Variants in BTAF1 observed in about 807,000 individuals in gnomAD.
BTAF1 encodes the protein B-TFIID TATA-box binding protein associated factor 1.
Under a neutral mutation model 227.1 loss-of-function variants are expected in BTAF1, and 38 were observed. That is an observed-to-expected ratio of 0.17 (90% CI 0.13 to 0.22). The LOEUF is 0.22. Among genes scored for constraint, BTAF1 ranks in the 10% least tolerant of loss-of-function variants. BTAF1 has a pLI of 1.00. For synonymous variants in BTAF1, 742 were observed against 751.9 expected (o/e 0.99, Z 0.21); for missense variants, 1,598 against 2,204.0 (o/e 0.73, Z 5.51).
At chr10:91,993,101 C>T (rs1848909898) in intron 21 of BTAF1, among the ~76,000 whole-genome samples, 1 of 152,160 alleles carries the variant, frequency 6.6e-6, no homozygotes, top group South Asian at 2.1e-4. Flanking sequence ...AAGTCTTTTT[C>T]ATTGACAATA....
intron 11 of BTAF1, among the ~76,000 whole-genome samples, chr10:91,961,863 CTCTCAT>C (rs1846544792): frequency 6.6e-6 from 1 of 151,978 alleles, no homozygotes; most frequent in African/African-American, 2.4e-5. Flanking sequence ...TTTCACTCTT[CTCTCAT>C]TTTCCTTTTG....
At position 91,980,588 on chromosome 10, in the gene BTAF1, T is replaced by C. The variant is rs779094676; in HGVS notation, c.1755+30T>C. On this transcript the variant is annotated intron_variant, in intron 15 of 37. Coordinates refer to ENST00000265990, the MANE Select transcript of BTAF1 (RefSeq NM_003972.3). ...ACAGCAAATGTATTTGTGTTCCTTT[T>C]CCTAGTAACTTTTGTAGATTTTTAA... 17 of 1,543,360 alleles carry C rather than the reference T, an allele frequency of 1.1e-5. No individual in the cohort carries two copies. In the East Asian group the frequency reaches 3.1e-4, roughly 29 times the overall value.
chr10:91,926,686 C>T (rs1300367790), intron 1 of BTAF1, among the ~76,000 whole-genome samples: 2 of 152,188 alleles, frequency 1.3e-5, no homozygotes, highest in Non-Finnish European at 2.9e-5. Context: ...CATTGTATCA[C>T]CTGATAAGTC....
chr10:91,939,694 T>A (rs549845169), intron 2 of BTAF1, among the ~76,000 whole-genome samples: 2 of 152,336 alleles, frequency 1.3e-5, no homozygotes, highest in East Asian at 3.9e-4. Context: ...CACCTCGGTC[T>A]CCCAAAGTGC....
intron 24 of BTAF1, chr10:91,996,970 C>T (rs987504332): frequency 6.0e-6 from 3 of 497,880 alleles, no homozygotes; most frequent in Non-Finnish European, 1.0e-5. Context: ...TTGTTCATTA[C>T]TTGGGTTTAC....
intron 12 of BTAF1, 139 bp from the exon 13 acceptor site, chr10:91,963,938 T>C: frequency 1.2e-6 from 1 of 860,548 alleles, no homozygotes; most frequent in Non-Finnish European, 1.8e-6. Context: ...TCCTTAACTT[T>C]ACTCAAAATT....
intron 26 of BTAF1, among the ~76,000 whole-genome samples, chr10:92,008,540 G>T (rs543418828): frequency 6.7e-6 from 1 of 148,490 alleles, no homozygotes; most frequent in Non-Finnish European, 1.5e-5. Flanking sequence ...TAGAGGCAGC[G>T]TTCTCATTTT....
chr10:92,008,537 A>C (rs1476575106), intron 26 of BTAF1, among the ~76,000 whole-genome samples: 1 of 145,828 alleles, frequency 6.9e-6, no homozygotes, highest in Non-Finnish European at 1.5e-5. Context: ...TGGTAGAGGC[A>C]GCGTTCTCAT....
chr10:91,991,797 G>GTGTGTGTATATATATATA (rs1554860529), intron 20 of BTAF1, among the ~76,000 whole-genome samples: 10 of 9,996 alleles, frequency 1.0e-3, no homozygotes, highest in African/African-American at 1.8e-3. Context: ...GTGTGTGTGT[G>GTGTGTGTATATATATATA]TATATATATA....
rs1207750668 is a variant in BTAF1, at chr10:92,031,391, G to C, written c.*2458G>C. Among the ~76,000 whole-genome samples, 1 of 152,114 alleles carries C rather than the reference G, an allele frequency of 6.6e-6. No individual in the cohort carries two copies. Among genetic ancestry groups the C allele is most frequent in the African/African-American group, 2.4e-5 (1 of 41,402 alleles). ...GGTATAGCCTTATTCCTTCTGGATG[G>C]TTTATATGAACTTACTTATTCAAAA... is the stretch of plus-strand genomic sequence containing the variant. On this transcript the variant is annotated 3_prime_UTR_variant, in exon 38 of 38. Coordinates refer to ENST00000265990, the MANE Select transcript of BTAF1 (RefSeq NM_003972.3).
rs1173014648 is a variant in BTAF1, at chr10:92,024,840, T to G, written c.4948T>G (p.Phe1650Val). ...TGTGGCCCAGCACAGGATACTGATA[T>G]TCTGTCAGCTGAAAAGCATGCTTGA... ...SVVAQHRILI[F>V]CQLKSMLDIV... The change falls in exon 35 of 38, where the codon TTC becomes GTC. Residue 1650 changes from phenylalanine to valine, a missense_variant. Phe to Val is a conservative substitution (Grantham distance 50). Around this residue, in one of 10 missense-constraint regions of BTAF1, gnomAD observed 205 missense variants for 244.5 expected, o/e 0.84. Transcript: ENST00000265990. 1 of 1,613,866 alleles carries G rather than the reference T, an allele frequency of 6.2e-7. No homozygotes were observed. The highest frequency in any genetic ancestry group is 8.5e-7 in the Non-Finnish European group (1 of 1,179,970).
chr10:92,026,472 A>G, intron 35 of BTAF1, 120 bp from the exon 36 acceptor site: 3 of 761,262 alleles, frequency 3.9e-6, no homozygotes, highest in African/African-American at 1.7e-5. Flanking sequence ...ATGATCATGT[A>G]AGTATCCCTA....
chr10:92,005,209 A>C (rs905102040), intron 25 of BTAF1, among the ~76,000 whole-genome samples: 1 of 151,638 alleles, frequency 6.6e-6, no homozygotes, highest in Admixed American at 6.6e-5. Flanking sequence ...TGCTTTGGCT[A>C]TCTGGGGTTT....
At position 92,030,468 on chromosome 10, in the gene BTAF1, T is replaced by G. The variant is rs1445870411; in HGVS notation, c.*1535T>G. On this transcript the variant is annotated 3_prime_UTR_variant, in exon 38 of 38. Transcript: ENST00000265990. ...TTTCAGTATATTTGAGTTGAATATT[T>G]TTTTATTAACTATTTATTTGCTAGT... 1 of 152,172 alleles carries G rather than the reference T, an allele frequency of 6.6e-6. No homozygotes were observed. The highest frequency in any genetic ancestry group is 1.9e-4 in the East Asian group (1 of 5,196). The allele number at this position is 152,172 out of a possible 1,614,324, so 9.4% of individuals were successfully genotyped here.
chr10:91,937,613 T>C (rs569787283), intron 2 of BTAF1, among the ~76,000 whole-genome samples: 1 of 152,364 alleles, frequency 6.6e-6, no homozygotes, highest in East Asian at 1.9e-4. Flanking sequence ...TTGTAGCATG[T>C]ATATTCATTC....
intron 22 of BTAF1, 111 bp downstream of exon 22, chr10:91,993,958 C>A (rs887402090): frequency 2.5e-6 from 2 of 791,212 alleles, no homozygotes; most frequent in Non-Finnish European, 3.5e-6. Context: ...TTATTCCAGA[C>A]CAGCTGGTAA....
chr10:91,961,146 C>T (rs1846481320), intron 11 of BTAF1, among the ~76,000 whole-genome samples: 1 of 151,978 alleles, frequency 6.6e-6, no homozygotes, highest in East Asian at 1.9e-4. Flanking sequence ...AATGGGTCAG[C>T]AAAGAGTGAG....
intron 14 of BTAF1, among the ~76,000 whole-genome samples, 195 bp from the exon 15 acceptor site, chr10:91,980,259 C>T (rs904927893): frequency 3.3e-5 from 5 of 152,080 alleles, no homozygotes; most frequent in African/African-American, 1.2e-4. Flanking sequence ...GTTGTTATTT[C>T]TTCAGACCAT....
At chr10:92,017,306 A>C (rs1850806546) in intron 33 of BTAF1, among the ~76,000 whole-genome samples, 1 of 152,214 alleles carries the variant, frequency 6.6e-6, no homozygotes. Flanking sequence ...AAGTGATTCC[A>C]GGCAGAGGAT....
Sources: allele counts gnomAD v4.1 joint callset (sites outside exome capture counted in the v4.1 genomes callset), GRCh38; gene constraint gnomAD v4.1.1; regional missense constraint gnomAD v4.1.1; transcripts MANE v1.5; gene names NCBI Gene and HGNC (gene_info 2026-07-23, HGNC 2026-07-21).